Variants in MYO1F observed in about 807,000 individuals in gnomAD.
MYO1F encodes myosin IF, also known as unconventional myosin-If.
MYO1F carries 60 observed loss-of-function variants against 146.6 expected under a neutral mutation model. The ratio of observed to expected loss-of-function variants is 0.41; its 90% CI spans 0.33 to 0.51. The LOEUF is 0.51. Among genes scored for constraint, MYO1F ranks in the 20% least tolerant of loss-of-function variants. The probability of loss-of-function intolerance (pLI) is 0.25; values close to 1 mark genes in which losing one functional copy is unlikely to be tolerated. For missense variants in MYO1F, 1,274 were observed against 1,534.3 expected (o/e 0.83, Z 2.83); for synonymous variants, 602 against 602.1 (o/e 1.00, Z 0.00).
In MYO1F at chr19:8,527,536, A is replaced by G. The variant is rs577625281; in HGVS notation, c.2329-53T>C. The G allele has an allele frequency of 1.6e-4, 251 of 1,602,984 alleles. No homozygotes were observed. The African/African-American group carries it at 3.2e-3, about 21-fold the overall frequency. Reference sequence around the variant, plus strand: ...TGCCTGTAGCCTGGCCAGCCTGGCCACAGAGGATCCACCCCAGGCAGAGGG... The same window carrying G: ...TGCCTGTAGCCTGGCCAGCCTGGCCGCAGAGGATCCACCCCAGGCAGAGGG... On this transcript the variant is annotated intron_variant, in intron 21 of 27. Coordinates refer to ENST00000644032, the MANE Select transcript of MYO1F (RefSeq NM_012335.4).
chr19:8,574,713 T>C (rs1568381949), intron 1 of MYO1F, among the ~76,000 whole-genome samples: 3 of 149,446 alleles, frequency 2.0e-5, no homozygotes, highest in East Asian at 2.0e-4. Context: ...TTCTTTCTTT[T>C]TCTTTCTCTT....
In MYO1F at chr19:8,536,602, T is replaced by TG. The variant is rs1353948678; in HGVS notation, c.1800-6dup. 1 of 1,084,082 alleles carries TG rather than the reference T, an allele frequency of 9.2e-7. No homozygotes were observed. Among genetic ancestry groups the TG allele is most frequent in the East Asian group, 8.5e-5 (1 of 11,820 alleles). The allele number at this position is 1,084,082 out of a possible 1,614,324, so 67.2% of individuals were successfully genotyped here. A position where few individuals can be genotyped will look rare whatever the true frequency, so the allele number is the denominator to read the frequency against. ...TATTCCACCTGGTGCTTGACTCTGG[T>TG]GGGGAGGGTAGGCTGAGTCCCCTCG... On this transcript the variant is annotated splice_region_variant and splice_polypyrimidine_tract_variant and intron_variant, in intron 17 of 27. Transcript: ENST00000644032.
rs910231638 is a variant in MYO1F at position 8,522,679 on chromosome 19, T to C, written c.3005A>G (p.Glu1002Gly). The C allele has an allele frequency of 1.9e-6, 3 of 1,613,930 alleles. No individual in the cohort carries two copies. The highest frequency in any genetic ancestry group is 2.5e-6 in the Non-Finnish European group (3 of 1,179,958). ...CACGTTGAGGAATTCTGTGTTGTGC[T>C]CTGAGGGCGGACGTGCCCGGGGTCG... The part of the protein sequence containing the change: ...SRRPRARPPS[E>G]HNTEFLNVPD... The change falls in exon 26 of 28, where the codon GAG becomes GGG. Residue 1002 changes from glutamate (E) to glycine (G), a missense_variant. Transcript: ENST00000644032.
chr19:8,553,963 G>A (rs989215603), intron 4 of MYO1F, among the ~76,000 whole-genome samples: 1 of 148,056 alleles, frequency 6.8e-6, no homozygotes, highest in Non-Finnish European at 1.5e-5. Context: ...AGCTGGCATC[G>A]ATTGATTGAC....
intron 16 of MYO1F, among the ~76,000 whole-genome samples, chr19:8,537,633 C>T (rs1203444840): frequency 6.6e-6 from 1 of 151,982 alleles, no homozygotes; most frequent in Non-Finnish European, 1.5e-5. Flanking sequence ...AGGGTTTTGC[C>T]ATGTTGGTCA....
intron 14 of MYO1F, 148 bp from the exon 15 acceptor site, chr19:8,542,139 G>T (rs530278950): frequency 1.7e-5 from 12 of 689,462 alleles, no homozygotes; most frequent in South Asian, 3.0e-5. Context: ...CGCTGGCTGG[G>T]GGGTATCTAC....
intron 8 of MYO1F, among the ~76,000 whole-genome samples, chr19:8,551,196 C>T (rs955080878): frequency 4.0e-5 from 6 of 151,712 alleles, no homozygotes; most frequent in African/African-American, 9.7e-5. Context: ...GGACTACAGG[C>T]GCATGGCATC....
chr19:8,549,887 A>G (rs1973529841), intron 10 of MYO1F: 1 of 552,674 alleles, frequency 1.8e-6, no homozygotes, highest in South Asian at 2.0e-5. Flanking sequence ...TGCAGCCCCA[A>G]CCTCCTGGGT....
In MYO1F at chr19:8,551,794, C is replaced by T. The variant is rs374206217; in HGVS notation, c.717G>A (p.Ser239=). The T allele has an allele frequency of 7.0e-5, 113 of 1,613,982 alleles. No individual in the cohort carries two copies. The highest frequency in any genetic ancestry group is 2.1e-4 in the African/African-American group (16 of 74,906). The change falls in exon 8 of 28, where the codon TCG becomes TCA. Residue 239 remains serine, a synonymous_variant. Coordinates refer to ENST00000644032, the MANE Select transcript of MYO1F (RefSeq NM_012335.4). ...CCGTGCCGTCCACCTGGTAGGTGTC[C>T]GATTGGTTGAGGTAGTAATAGTAGT... ...TPDYYYYLNQ[S]DTYQVDGTDD... is the part of the protein sequence containing the mutation.
chr19:8,541,865 G>T (rs754136267), intron 15 of MYO1F, 41 bp downstream of exon 15: 16 of 1,565,398 alleles, frequency 1.0e-5, no homozygotes, highest in South Asian at 1.0e-4. Context: ...CATCCCCTTG[G>T]GGGGTTGTAG....
Position 8,577,264 on chromosome 19 carries a change from CCCT to C in MYO1F, c.3+40_3+42del. ...TAGGACACCTCCACCTGGCTGGTGT[CCCT>C]CCTCTTTCTTCTTCCAGATCCCACC... On this transcript the variant is annotated intron_variant, in intron 1 of 27. Transcript: ENST00000644032. The surrounding 1 kb of genome is among the most constrained non-coding windows in gnomAD (Gnocchi z 4.3). 2.5e-6 allele frequency: 4 copies of C among 1,611,578 alleles called. No individual in the cohort carries two copies. The highest frequency in any genetic ancestry group is 3.4e-6 in the Non-Finnish European group (4 of 1,178,546).
intron 19 of MYO1F, among the ~76,000 whole-genome samples, chr19:8,531,550 G>A (rs1261054348): frequency 6.6e-6 from 1 of 151,980 alleles, no homozygotes; most frequent in African/African-American, 2.4e-5. Flanking sequence ...TGTTGCCCAG[G>A]CTGGAAAAAT....
chr19:8,576,113 C>G (rs1398806831), intron 1 of MYO1F, among the ~76,000 whole-genome samples: 1 of 152,228 alleles, frequency 6.6e-6, no homozygotes, highest in Non-Finnish European at 1.5e-5. Context: ...TCTCTTGCCT[C>G]AGCCTCATAT....
At chr19:8,543,756 GTGGTGGTGGTGCTGGTGGTGC>G (rs1568348845) in intron 14 of MYO1F, among the ~76,000 whole-genome samples, 14 of 9,784 alleles carry the variant, frequency 1.4e-3, no homozygotes, top group East Asian at 2.9e-3. Flanking sequence ...GGTGGTGGTG[GTGGTGGTGGTGCTGGTGGTGC>G]TGGTGGTGCT....
rs530165604 is a variant in MYO1F, at chr19:8,557,289, AC to A, written c.4-1494del. ...GACTCTGTCTCAAAAAAAACAAACA[AC>A]CAAACAAACAACAAAAAAAGTTTTG... On this transcript the variant is annotated intron_variant, in intron 1 of 27. Transcript: ENST00000644032. 7.3e-4 allele frequency among the ~76,000 whole-genome samples: 111 copies of A among 152,042 alleles called. 1 individual carries two copies. The highest frequency in any genetic ancestry group is 2.7e-3 in the African/African-American group (110 of 41,476).
At chr19:8,541,725 G>T in intron 15 of MYO1F, 181 bp downstream of exon 15, 1 of 655,008 alleles carries the variant, frequency 1.5e-6, no homozygotes, top group Non-Finnish European at 2.8e-6. Flanking sequence ...CACTGCGCCC[G>T]GCCTCTGGAG....
At chr19:8,542,101 G>T (rs1973001148) in intron 14 of MYO1F, 110 bp from the exon 15 acceptor site, 2 of 813,008 alleles carry the variant, frequency 2.5e-6, no homozygotes, top group South Asian at 2.8e-5. Context: ...GCCTGCTGTG[G>T]GGTGAGAGGA....
intron 13 of MYO1F, chr19:8,545,427 G>C (rs1043017739): frequency 1.8e-6 from 1 of 567,736 alleles, no homozygotes; most frequent in African/African-American, 1.9e-5. Flanking sequence ...GGGTTCCCGG[G>C]GAAATGTTTA....
At chr19:8,526,421 GC>G in intron 24 of MYO1F, 31 bp downstream of exon 24, 1 of 1,548,510 alleles carries the variant, frequency 6.5e-7, no homozygotes, top group Non-Finnish European at 8.7e-7. Context: ...CGCTGGCCCC[GC>G]CCCCTCTGCC....
Sources: allele counts gnomAD v4.1 joint callset (sites outside exome capture counted in the v4.1 genomes callset), GRCh38; gene constraint gnomAD v4.1.1; non-coding constraint Gnocchi (gnomAD v3.1); transcripts MANE v1.5; gene names NCBI Gene and HGNC (gene_info 2026-07-23, HGNC 2026-07-21).